Variants in GFPT1 observed in about 807,000 individuals in gnomAD.
GFPT1 encodes the protein glutamine--fructose-6-phosphate aminotransferase [isomerizing] 1.
A neutral mutation model predicts 92.0 loss-of-function variants in GFPT1; 40 were observed. The ratio of observed to expected loss-of-function variants is 0.43; its 90% CI spans 0.34 to 0.57. The LOEUF (loss-of-function observed/expected upper bound fraction) is 0.57, where lower values mean the gene tolerates loss of function less well. Ranked by LOEUF, GFPT1 falls within the 20% of genes least tolerant of loss-of-function variation. The pLI is 0.02. For missense variants in GFPT1, 448 were observed against 869.1 expected (o/e 0.52, Z 6.09); for synonymous variants, 269 against 280.6 (o/e 0.96, Z 0.41).
At position 69,383,094 on chromosome 2, in the gene GFPT1, C is replaced by T. The variant is rs529606490; in HGVS notation, c.7+3971G>A. ...ACACTTTCTAGGCACCTGAAATATA[C>T]GGTCAAAAAATTCTCAAACCACAGA... On this transcript the variant is annotated intron_variant, in intron 1 of 19. Coordinates refer to ENST00000357308, the MANE Select transcript of GFPT1 (RefSeq NM_001244710.2). Among the ~76,000 whole-genome samples the T allele has an allele frequency of 3.3e-5, 5 of 152,202 alleles. No homozygotes were observed. In the South Asian group the frequency reaches 1.0e-3, roughly 32 times the overall value.
In GFPT1 at chr2:69,383,955, G is replaced by T. The variant is rs753538382; in HGVS notation, c.7+3110C>A. On this transcript the variant is annotated intron_variant, in intron 1 of 19. Transcript: ENST00000357308. ...AAAATTCCATTTTATATACACCGTC[G>T]AATCAGAAGGGTATAACTTCACATT... Among the ~76,000 whole-genome samples the T allele has an allele frequency of 5.5e-4, 84 of 152,116 alleles. 1 individual carries two copies. Among genetic ancestry groups the T allele is most frequent in the Non-Finnish European group, 1.5e-4 (10 of 68,028 alleles).
chr2:69,347,064 C>T (rs570182454), intron 11 of GFPT1, among the ~76,000 whole-genome samples: 2 of 152,100 alleles, frequency 1.3e-5, no homozygotes, highest in African/African-American at 4.8e-5. Flanking sequence ...TACATGCCAC[C>T]ATGCCCATAA....
chr2:69,370,050 C>A lies in GFPT1; in HGVS notation c.174G>T (p.Gln58His). 1 of 1,610,526 alleles carries A rather than the reference C, an allele frequency of 6.2e-7. No homozygotes were observed. Among genetic ancestry groups the A allele is most frequent in the African/African-American group, 1.3e-5 (1 of 74,962 alleles). The change falls in exon 3 of 20, where the codon CAG (glutamine) becomes CAT (histidine). Residue 58 changes from glutamine to histidine, a missense_variant. Physicochemically the swap from Gln to His is conservative, Grantham distance 24. This residue lies in a region of GFPT1 where 72 missense variants were observed against 95.1 expected (regional missense o/e 0.76). Coordinates refer to ENST00000357308, the MANE Select transcript of GFPT1 (RefSeq NM_001244710.2). The part of the protein sequence containing the change: ...KDWEANACKI[Q>H]LIKKKGKVKA... Reference sequence around the variant, plus strand: ...TAACTTTTCCTTTCTTCTTAATAAGCTGGATTTTGCAGGCATTGGCTTCCC... The same window carrying A: ...TAACTTTTCCTTTCTTCTTAATAAGATGGATTTTGCAGGCATTGGCTTCCC...
chr2:69,367,331 A>G (rs1671634093), intron 3 of GFPT1, among the ~76,000 whole-genome samples: 1 of 148,708 alleles, frequency 6.7e-6, no homozygotes, highest in South Asian at 2.1e-4. Context: ...TCACTATCAT[A>G]TACAACTTAT....
intron 15 of GFPT1, among the ~76,000 whole-genome samples, chr2:69,337,464 TAAAAA>T (rs1670829330): frequency 6.6e-6 from 1 of 152,170 alleles, no homozygotes. Flanking sequence ...AATAGGTAAA[TAAAAA>T]TTCCAAAAAT....
At position 69,337,943 on chromosome 2, in the gene GFPT1, T is replaced by C. The variant is rs1402462149; in HGVS notation, c.1437A>G (p.Gly479=). 1.2e-6 allele frequency: 2 copies of C among 1,613,962 alleles called. No individual in the cohort carries two copies. The highest frequency in any genetic ancestry group is 1.7e-5 in the Admixed American group (1 of 60,032). Reference sequence around the variant, plus strand: ...TCTCAGGACCAGCATTAATATGAACTCCACAATCTGTCTCCCGTGATATGG... The same window carrying C: ...TCTCAGGACCAGCATTAATATGAACCCCACAATCTGTCTCCCGTGATATGG... ...GSSISRETDC[G]VHINAGPEIG... Residue 479 remains glycine, a synonymous_variant, in exon 15 of 20, where the codon GGA becomes GGG. Coordinates refer to ENST00000357308, the MANE Select transcript of GFPT1 (RefSeq NM_001244710.2).
At position 69,369,920 on chromosome 2, in the gene GFPT1, G is replaced by T. The variant is rs1313385598; in HGVS notation, c.223+81C>A. 4.8e-6 allele frequency: 4 copies of T among 835,670 alleles called. No homozygotes were observed. In the East Asian group the frequency reaches 9.8e-5, roughly 20 times the overall value. The allele number at this position is 835,670 out of a possible 1,614,324, so 51.8% of individuals were successfully genotyped here. A position where few individuals can be genotyped will look rare whatever the true frequency, so the allele number is the denominator to read the frequency against. On this transcript the variant is annotated intron_variant, in intron 3 of 19. Transcript: ENST00000357308. ...TAAAATTGGTCCCAAAATATGGGGGGAGGGAGTAACTTAGAGGAGAATGGG... is the reference window on the plus strand; with the variant it reads ...TAAAATTGGTCCCAAAATATGGGGGTAGGGAGTAACTTAGAGGAGAATGGG...
At chr2:69,357,374 A>G (rs1671363832) in intron 6 of GFPT1, among the ~76,000 whole-genome samples, 1 of 152,240 alleles carries the variant, frequency 6.6e-6, no homozygotes, top group Non-Finnish European at 1.5e-5. Context: ...CCGAATCCTC[A>G]GGGACAGAGC....
At chr2:69,353,435 G>A (rs1671260002) in intron 9 of GFPT1, among the ~76,000 whole-genome samples, 1 of 152,224 alleles carries the variant, frequency 6.6e-6, no homozygotes, top group African/African-American at 2.4e-5. Flanking sequence ...TCAAGAGGCT[G>A]AGGTGGGAGA....
At chr2:69,387,010 C>G (rs1433617334) in intron 1 of GFPT1, 55 bp downstream of exon 1, 2 of 1,357,862 alleles carry the variant, frequency 1.5e-6, no homozygotes, top group Admixed American at 3.9e-5. Context: ...TAGCGGCACC[C>G]GCACCGCACC....
At chr2:69,326,294 T>TA in intron 19 of GFPT1, 61 bp from the exon 20 acceptor site, 1 of 1,068,184 alleles carries the variant, frequency 9.4e-7, no homozygotes, top group East Asian at 2.4e-5. Context: ...GGGAAGGGGG[T>TA]GGTTACTATA....
intron 8 of GFPT1, 24 bp from the exon 9 acceptor site, chr2:69,354,336 A>G (rs1257520977): frequency 1.3e-6 from 2 of 1,567,026 alleles, no homozygotes; most frequent in African/African-American, 1.3e-5. Flanking sequence ...ACAGAAAAAA[A>G]TTCTAATCAT....
chr2:69,356,458 T>C (rs767503681), intron 7 of GFPT1, 38 bp downstream of exon 7: 1 of 1,386,170 alleles, frequency 7.2e-7, no homozygotes, highest in Admixed American at 1.7e-5. Flanking sequence ...AACTCAAATA[T>C]GTTGAAATAC....
intron 1 of GFPT1, among the ~76,000 whole-genome samples, chr2:69,380,080 G>A (rs993455117): frequency 5.3e-5 from 8 of 151,888 alleles, no homozygotes; most frequent in African/African-American, 2.4e-5. Flanking sequence ...GCTCACGCCT[G>A]TAATCCCAGC....
chr2:69,382,050 G>A (rs1156857452), intron 1 of GFPT1, among the ~76,000 whole-genome samples: 1 of 151,892 alleles, frequency 6.6e-6, no homozygotes, highest in Non-Finnish European at 1.5e-5. Context: ...TTTTAGTAGA[G>A]ATGGGGCTTC....
intron 12 of GFPT1, among the ~76,000 whole-genome samples, chr2:69,345,678 G>A (rs1262145650): frequency 2.6e-5 from 4 of 151,982 alleles, no homozygotes; most frequent in Non-Finnish European, 4.4e-5. Flanking sequence ...ACAGCCCTTG[G>A]TAACCATTAA....
intron 12 of GFPT1, among the ~76,000 whole-genome samples, chr2:69,342,936 C>T (rs1384602442): frequency 1.3e-5 from 2 of 152,098 alleles, no homozygotes; most frequent in Non-Finnish European, 2.9e-5. Flanking sequence ...GTTCTGATCC[C>T]TCCACATTTA....
chr2:69,338,180 C>A, intron 14 of GFPT1, 125 bp from the exon 15 acceptor site: 1 of 904,944 alleles, frequency 1.1e-6, no homozygotes, highest in Admixed American at 1.8e-5. Flanking sequence ...TACAAAACAT[C>A]CACTTAATAA....
intron 2 of GFPT1, among the ~76,000 whole-genome samples, chr2:69,372,198 C>CAAAAAA (rs534920006): frequency 5.7e-5 from 3 of 52,722 alleles, no homozygotes; most frequent in African/African-American, 6.6e-5. Context: ...GACTCCATCT[C>CAAAAAA]AAAAAAAAAA....
Sources: allele counts gnomAD v4.1 joint callset (sites outside exome capture counted in the v4.1 genomes callset), GRCh38; gene constraint gnomAD v4.1.1; regional missense constraint gnomAD v4.1.1; transcripts MANE v1.5; gene names NCBI Gene and HGNC (gene_info 2026-07-23, HGNC 2026-07-21).